SARM1: variants seen among roughly 807,000 people sequenced by gnomAD.
SARM1 encodes the protein sterile alpha and TIR motif containing 1, also known as NAD(+) hydrolase SARM1.
Under a neutral mutation model 65.1 loss-of-function variants are expected in SARM1, and 60 were observed. The observed-to-expected ratio is 0.92, with a 90% CI of 0.75 to 1.14. The LOEUF is 1.14. SARM1 is among the 50% of genes most tolerant of loss of function. The pLI, the probability that SARM1 is intolerant of heterozygous loss-of-function variation, is 0.00. For missense variants in SARM1, 913 were observed against 1,015.7 expected (o/e 0.90, Z 1.37); for synonymous variants, 417 against 465.4 (o/e 0.90, Z 1.34).
At position 28,399,772 on chromosome 17, in the gene SARM1, G is replaced by A; in HGVS notation, c.*3486G>A. 1 of 1,584,564 alleles carries A rather than the reference G, an allele frequency of 6.3e-7. No homozygotes were observed. The highest frequency in any genetic ancestry group is 1.3e-5 in the African/African-American group (1 of 74,426). On this transcript the variant is annotated 3_prime_UTR_variant, in exon 9 of 9. Coordinates refer to ENST00000585482, the MANE Select transcript of SARM1 (RefSeq NM_015077.4). ...TGTGGGGAACCCTCAAGGCCTGTCT[G>A]GAGAAGTGACACAGGATTTACTGGG...
rs897728506 is a variant in SARM1, at chr17:28,385,778, G to A, written c.1630+503G>A. ...GCTTACAAAATTTGGGTCTAGAGGT[G>A]GTTTAGAGTGAATTCTAGGCCTCTA... On this transcript the variant is annotated intron_variant, in intron 5 of 8. Transcript: ENST00000585482. The surrounding 1 kb of genome is among the most constrained non-coding windows in gnomAD (Gnocchi z 4.5). Among the ~76,000 whole-genome samples, 1 of 152,112 alleles carries A rather than the reference G, an allele frequency of 6.6e-6. No individual in the cohort carries two copies. The highest frequency in any genetic ancestry group is 1.5e-5 in the Non-Finnish European group (1 of 68,020).
At position 28,400,866 on chromosome 17, in the gene SARM1, C is replaced by T. The variant is rs1051142297; in HGVS notation, c.*4580C>T. ...TGTGTGACCGGGAGTAGTCACTTAA[C>T]CTATGTCTCCCCTTCCTCACCAGTA... is the stretch of plus-strand genomic sequence containing the variant. On this transcript the variant is annotated 3_prime_UTR_variant, in exon 9 of 9. Transcript: ENST00000585482. The T allele has an allele frequency of 4.0e-5, 41 of 1,025,942 alleles. No homozygotes were observed. The highest frequency in any genetic ancestry group is 5.9e-5 in the Non-Finnish European group (40 of 676,254). The allele number at this position is 1,025,942 out of a possible 1,614,324, so 63.6% of individuals were successfully genotyped here. A position where few individuals can be genotyped will look rare whatever the true frequency, so the allele number is the denominator to read the frequency against.
Position 28,385,161 on chromosome 17 carries a change from G to T in SARM1, c.1516G>T (p.Val506Phe), listed in dbSNP as rs1202773157. Residue 506 changes from valine to phenylalanine, a missense_variant, in exon 5 of 9, where the codon GTC becomes TTC. By Grantham distance (50) the Val-to-Phe change is conservative. This residue lies in a region of SARM1 where 862 missense variants were observed against 952.1 expected (regional missense o/e 0.91). Coordinates refer to ENST00000585482, the MANE Select transcript of SARM1 (RefSeq NM_015077.4). The surrounding 1 kb of genome is among the most constrained non-coding windows in gnomAD (Gnocchi z 4.5). The part of the protein sequence containing the change: ...PRFRQYTYGL[V>F]SCGLDRSLLH... Reference sequence around the variant, plus strand: ...CTTCCGCCAGTACACCTACGGCCTGGTCAGCTGCGGCCTGGACCGCTCCCT... The same window carrying T: ...CTTCCGCCAGTACACCTACGGCCTGTTCAGCTGCGGCCTGGACCGCTCCCT... 1.9e-6 allele frequency: 3 copies of T among 1,612,164 alleles called. No individual in the cohort carries two copies. Among genetic ancestry groups the T allele is most frequent in the Non-Finnish European group, 2.5e-6 (3 of 1,179,572 alleles).
At chr17:28,387,656 C>T (rs999821751) in intron 5 of SARM1, among the ~76,000 whole-genome samples, 6 of 152,232 alleles carry the variant, frequency 3.9e-5, no homozygotes, top group African/African-American at 9.6e-5. Flanking sequence ...CGGTGCCTGG[C>T]GCTTAGTACT....
chr17:28,386,360 AC>A (rs782291552), intron 5 of SARM1, among the ~76,000 whole-genome samples: 23 of 151,704 alleles, frequency 1.5e-4, no homozygotes, highest in Non-Finnish European at 2.8e-4. Context: ...CATCTGTGTG[AC>A]CCCCCACCCC....
Position 28,403,150 on chromosome 17 carries a change from C to T in SARM1, c.*6864C>T, listed in dbSNP as rs1254937472. On this transcript the variant is annotated 3_prime_UTR_variant, in exon 9 of 9. Transcript: ENST00000585482. ...AGGGAGCACTGCCTGCTGACTGCTT[C>T]CATTCAGCCCGGTGGTACTGACTTT... The T allele has an allele frequency of 6.6e-6, 1 of 152,222 alleles. No homozygotes were observed. The highest frequency in any genetic ancestry group is 1.5e-5 in the Non-Finnish European group (1 of 68,060). The allele number at this position is 152,222 out of a possible 1,614,324, so 9.4% of individuals were successfully genotyped here.
Position 28,398,860 on chromosome 17 carries a change from C to G in SARM1, c.*2574C>G, listed in dbSNP as rs1372533553. The G allele has an allele frequency of 6.6e-6, 1 of 152,236 alleles. No individual in the cohort carries two copies. The allele number at this position is 152,236 out of a possible 1,614,324, so 9.4% of individuals were successfully genotyped here. On this transcript the variant is annotated 3_prime_UTR_variant, in exon 9 of 9. Transcript: ENST00000585482. ...ATCTAGCCGTTCCTAGTGGGGCTTGCTCAAGGTTGCACAGCGAGTCAGTAG... is the reference window on the plus strand; with the variant it reads ...ATCTAGCCGTTCCTAGTGGGGCTTGGTCAAGGTTGCACAGCGAGTCAGTAG...
chr17:28,385,242 G>C lies in SARM1; in HGVS notation c.1597G>C (p.Val533Leu). Residue 533 changes from valine to leucine, a missense_variant, in exon 5 of 9, where the codon GTG becomes CTG. Around this residue, in one of 3 missense-constraint regions of SARM1, gnomAD observed 862 missense variants for 952.1 expected, o/e 0.91. Coordinates refer to ENST00000585482, the MANE Select transcript of SARM1 (RefSeq NM_015077.4). This position sits in a 1 kb window ranked among gnomAD's most constrained non-coding sequence, Gnocchi z 4.5. ...GGAAGACTGCGGCATCCACCTGGGC[G>C]TGCACCGCGCCCGCATCCTCACGGC... ...LLEDCGIHLG[V>L]HRARILTAAR... 1 of 1,578,838 alleles carries C rather than the reference G, an allele frequency of 6.3e-7. No homozygotes were observed. Among genetic ancestry groups the C allele is most frequent in the Non-Finnish European group, 8.6e-7 (1 of 1,168,066 alleles).
intron 2 of SARM1, among the ~76,000 whole-genome samples, chr17:28,382,271 T>A (rs766857174): frequency 3.9e-5 from 6 of 152,010 alleles, no homozygotes; most frequent in Non-Finnish European, 8.8e-5. Context: ...TGAGGATGAC[T>A]CCTGGCCCTG....
chr17:28,393,560 G>T (rs117025558), intron 7 of SARM1, among the ~76,000 whole-genome samples: 1 of 148,330 alleles, frequency 6.7e-6, no homozygotes, highest in Non-Finnish European at 1.5e-5. Flanking sequence ...CCTGCCCCCC[G>T]CCAAAAAAAA....
In SARM1 at chr17:28,372,005, C is replaced by G. The variant is rs782130953; in HGVS notation, c.-28C>G. ...TCTCCGCGTGGCCCCGCCTCCAGGC[C>G]GGGGATGTCCCCCGCGGCCCCGCGC... On this transcript the variant is annotated 5_prime_UTR_variant, in exon 1 of 9. Coordinates refer to ENST00000585482, the MANE Select transcript of SARM1 (RefSeq NM_015077.4). This position sits in a 1 kb window ranked among gnomAD's most constrained non-coding sequence, Gnocchi z 5.2. The G allele has an allele frequency of 5.5e-5, 79 of 1,443,236 alleles. No homozygotes were observed. The highest frequency in any genetic ancestry group is 6.6e-5 in the Non-Finnish European group (73 of 1,102,218). The allele number at this position is 1,443,236 out of a possible 1,614,324, so 89.4% of individuals were successfully genotyped here.
rs782084258 is a variant in SARM1 at position 28,399,513 on chromosome 17, C to T, written c.*3227C>T. 1 of 810,226 alleles carries T rather than the reference C, an allele frequency of 1.2e-6. No homozygotes were observed. Among genetic ancestry groups the T allele is most frequent in the Non-Finnish European group, 2.0e-6 (1 of 497,360 alleles). The allele number at this position is 810,226 out of a possible 1,614,324, so 50.2% of individuals were successfully genotyped here. Reference sequence around the variant, plus strand: ...TGTGGATGGGGTGGTGCCTTGGTCTCTCTTGACTACCTCGTCCAAAGAGAG... The same window carrying T: ...TGTGGATGGGGTGGTGCCTTGGTCTTTCTTGACTACCTCGTCCAAAGAGAG... On this transcript the variant is annotated 3_prime_UTR_variant, in exon 9 of 9. Coordinates refer to ENST00000585482, the MANE Select transcript of SARM1 (RefSeq NM_015077.4).
At position 28,372,565 on chromosome 17, in the gene SARM1, T is replaced by A. The variant is rs2067964513; in HGVS notation, c.470+63T>A. On this transcript the variant is annotated intron_variant, in intron 1 of 8. Transcript: ENST00000585482. This position sits in a 1 kb window ranked among gnomAD's most constrained non-coding sequence, Gnocchi z 5.2. Reference sequence around the variant, plus strand: ...GGTGTGGACAGTTAAGCGCCTGCGTTCCCGTGTGCCTTGCGCCGTGCCTTT... The same window carrying A: ...GGTGTGGACAGTTAAGCGCCTGCGTACCCGTGTGCCTTGCGCCGTGCCTTT... 7 of 1,325,968 alleles carry A rather than the reference T, an allele frequency of 5.3e-6. No individual in the cohort carries two copies. In the South Asian group the frequency reaches 9.8e-5, roughly 19 times the overall value. 82.1% of individuals were successfully genotyped at this position (1,325,968 alleles called of 1,614,324 possible).
chr17:28,391,727 A>AAAGAG (rs1555586923), intron 7 of SARM1, among the ~76,000 whole-genome samples: 1 of 117,050 alleles, frequency 8.5e-6, no homozygotes, highest in African/African-American at 3.6e-5. Flanking sequence ...AAAAAAAAAA[A>AAAGAG]AGAGAGAGAG....
chr17:28,400,466 T>C lies in SARM1; in HGVS notation c.*4180T>C. Reference sequence around the variant, plus strand: ...GCTCCTGGAGGATTAGGCAGCCATCTGCAAGGAGAGGGGCAACCTGGGACA... The same window carrying C: ...GCTCCTGGAGGATTAGGCAGCCATCCGCAAGGAGAGGGGCAACCTGGGACA... On this transcript the variant is annotated 3_prime_UTR_variant, in exon 9 of 9. Coordinates refer to ENST00000585482, the MANE Select transcript of SARM1 (RefSeq NM_015077.4). 1 of 1,105,292 alleles carries C rather than the reference T, an allele frequency of 9.0e-7. No individual in the cohort carries two copies. The highest frequency in any genetic ancestry group is 1.6e-5 in the South Asian group (1 of 61,492). The allele number at this position is 1,105,292 out of a possible 1,614,324, so 68.5% of individuals were successfully genotyped here. A position where few individuals can be genotyped will look rare whatever the true frequency, so the allele number is the denominator to read the frequency against.
chr17:28,395,419 C>T (rs2068107523), intron 7 of SARM1: 2 of 157,496 alleles, frequency 1.3e-5, no homozygotes, highest in Non-Finnish European at 2.8e-5. Context: ...CTCTTCAAAA[C>T]CCCTTGTTTG....
At chr17:28,389,325 A>G (rs1308645927) in intron 7 of SARM1, among the ~76,000 whole-genome samples, 13 of 152,240 alleles carry the variant, frequency 8.5e-5, no homozygotes. Flanking sequence ...TGGCTGGCAC[A>G]TAGTAACTGC....
Position 28,384,884 on chromosome 17 carries a change from GA to G in SARM1, c.1350del (p.Glu450AspfsTer8). Reference protein sequence around the residue: ...GDLLLRLTEEELQTDLGMKSG... With the variant: ...GDLLLRLTEEXLQTDLGMKSG... ...CCTGCTTCTGCGGCTCACGGAGGAGGAACTCCAGACCGACCTGGGCATGAAA... is the reference window on the plus strand; with the variant it reads ...CCTGCTTCTGCGGCTCACGGAGGAGGACTCCAGACCGACCTGGGCATGAAA... On this transcript the variant is annotated frameshift_variant, in exon 4 of 9. Transcript: ENST00000585482. LOFTEE classifies it high-confidence loss of function. This position sits in a 1 kb window ranked among gnomAD's most constrained non-coding sequence, Gnocchi z 4.4. 6.4e-7 allele frequency: 1 copy of G among 1,560,374 alleles called. No homozygotes were observed. Among genetic ancestry groups the G allele is most frequent in the Non-Finnish European group, 8.7e-7 (1 of 1,152,300 alleles).
chr17:28,400,944 C>T lies in SARM1; in HGVS notation c.*4658C>T, dbSNP rs41297111. On this transcript the variant is annotated 3_prime_UTR_variant, in exon 9 of 9. Transcript: ENST00000585482. Reference sequence around the variant, plus strand: ...AGGATTCAGTAAGGTCATATGTGGACAGTAGCTGGCACAGAGGGGCTACTA... The same window carrying T: ...AGGATTCAGTAAGGTCATATGTGGATAGTAGCTGGCACAGAGGGGCTACTA... The T allele has an allele frequency of 0.013, 8,728 of 646,742 alleles. 101 individuals are homozygous for T. Among genetic ancestry groups the T allele is most frequent in the Non-Finnish European group, 0.018 (6,308 of 359,238 alleles). The allele number at this position is 646,742 out of a possible 1,614,324, so 40.1% of individuals were successfully genotyped here. A position where few individuals can be genotyped will look rare whatever the true frequency, so the allele number is the denominator to read the frequency against.
Sources: gnomAD v4.1 joint callset for allele counts (sites outside exome capture counted in the v4.1 genomes callset) on GRCh38, gnomAD v4.1.1 for gene constraint, gnomAD v4.1.1 regional missense constraint, Gnocchi (gnomAD v3.1) non-coding constraint, MANE v1.5 for transcripts, NCBI Gene and HGNC (gene_info 2026-07-23, HGNC 2026-07-21) for gene names.